TFDP2: variants seen among roughly 807,000 people sequenced by gnomAD.
TFDP2 encodes transcription factor Dp-2 (E2F dimerization partner 2).
TFDP2 carries 17 observed loss-of-function variants against 59.3 expected under a neutral mutation model. The ratio of observed to expected loss-of-function variants is 0.29; its 90% CI spans 0.20 to 0.43. The LOEUF is 0.43. Ranked by LOEUF, TFDP2 falls within the 20% of genes least tolerant of loss-of-function variation. The pLI, the probability that TFDP2 is intolerant of heterozygous loss-of-function variation, is 1.00. For synonymous variants in TFDP2, 180 were observed against 194.7 expected, an observed-to-expected ratio of 0.92 and a Z score of 0.63; for missense variants, 391 against 528.8, an observed-to-expected ratio of 0.74 and a Z score of 2.56.
At chr3:141,993,274 C>T (rs1942963493) in intron 6 of TFDP2, among the ~76,000 whole-genome samples, 1 of 152,004 alleles carries the variant, frequency 6.6e-6, no homozygotes, top group African/African-American at 2.4e-5. Context: ...TTTGATAGAA[C>T]TCTTCATTTA....
chr3:142,083,329 T>C (rs977683358), intron 3 of TFDP2, among the ~76,000 whole-genome samples: 3 of 152,034 alleles, frequency 2.0e-5, no homozygotes, highest in Non-Finnish European at 4.4e-5. Context: ...ATAAAAACTA[T>C]AAAATACTGA....
chr3:142,090,295 T>A (rs1434880866), intron 3 of TFDP2, among the ~76,000 whole-genome samples: 3 of 152,152 alleles, frequency 2.0e-5, no homozygotes, highest in Non-Finnish European at 2.9e-5. Flanking sequence ...AACACATGCA[T>A]ATAGCTATTT....
chr3:142,008,248 C>T (rs1357124770), intron 3 of TFDP2, among the ~76,000 whole-genome samples: 1 of 151,938 alleles, frequency 6.6e-6, no homozygotes, highest in Non-Finnish European at 1.5e-5. Flanking sequence ...ACGGCTCTTA[C>T]TAGATATCCT....
chr3:142,087,836 G>T (rs1006953989), intron 3 of TFDP2, among the ~76,000 whole-genome samples: 1 of 152,062 alleles, frequency 6.6e-6, no homozygotes, highest in Non-Finnish European at 1.5e-5. Flanking sequence ...TCATTAAGTC[G>T]CAGTCTAATT....
chr3:142,104,037 C>A (rs1055338952), intron 1 of TFDP2, among the ~76,000 whole-genome samples: 2 of 151,930 alleles, frequency 1.3e-5, no homozygotes, highest in South Asian at 4.2e-4. Flanking sequence ...TCCTGATGCT[C>A]CCCCCTCCTT....
At chr3:141,961,024 C>A (rs916152469) in intron 10 of TFDP2, among the ~76,000 whole-genome samples, 1 of 152,148 alleles carries the variant, frequency 6.6e-6, no homozygotes, top group African/African-American at 2.4e-5. Context: ...TCACCAGATT[C>A]CAGCCTGGGG....
At chr3:141,993,645 T>A in intron 5 of TFDP2, 60 bp from the exon 6 acceptor site, 1 of 940,964 alleles carries the variant, frequency 1.1e-6, no homozygotes, top group Non-Finnish European at 1.6e-6. Context: ...TTAATTTCAT[T>A]AATACTTTAT....
chr3:142,135,793 C>G (rs923990498), intron 1 of TFDP2, among the ~76,000 whole-genome samples: 1 of 152,070 alleles, frequency 6.6e-6, no homozygotes, highest in South Asian at 2.1e-4. Context: ...ATTTCTTAAT[C>G]CAGTCTATCA....
chr3:142,103,561 T>C (rs1008660937), intron 1 of TFDP2, among the ~76,000 whole-genome samples: 2 of 152,234 alleles, frequency 1.3e-5, no homozygotes, highest in African/African-American at 4.8e-5. Flanking sequence ...GGTATAATGG[T>C]GGCAACTTAC....
chr3:141,963,922 A>G lies in TFDP2; in HGVS notation c.774T>C (p.Asn258=). Residue 258 remains asparagine, a synonymous_variant, in exon 10 of 13, where the codon AAT becomes AAC. Coordinates refer to ENST00000489671, the MANE Select transcript of TFDP2 (RefSeq NM_001178139.2). ...CCGGCGGGCCCTGGTTTTGCTGCTC[A>G]TTTTGTCGATTTCTCTGTACCAGGT... ...FKNLVQRNRQ[N]EQQNQGPPAL... 6.2e-7 allele frequency: 1 copy of G among 1,613,672 alleles called. No homozygotes were observed. The highest frequency in any genetic ancestry group is 1.1e-5 in the South Asian group (1 of 91,048).
intron 3 of TFDP2, among the ~76,000 whole-genome samples, chr3:142,040,635 G>T (rs974948479): frequency 6.6e-6 from 1 of 152,132 alleles, no homozygotes; most frequent in East Asian, 1.9e-4. Flanking sequence ...TCTCCATGTT[G>T]GTCAGGCTGG....
chr3:142,023,841 T>C (rs1019778246), intron 3 of TFDP2, among the ~76,000 whole-genome samples: 3 of 152,234 alleles, frequency 2.0e-5, no homozygotes, highest in Admixed American at 6.5e-5. Context: ...TCTTGCTCTG[T>C]TGCCTAGGCC....
At chr3:142,148,090 C>G (rs1048667780) in intron 1 of TFDP2, among the ~76,000 whole-genome samples, 1 of 143,194 alleles carries the variant, frequency 7.0e-6, no homozygotes. Context: ...AAGATAAATT[C>G]AAGCCATGAA....
chr3:142,014,683 T>A (rs886479208), intron 3 of TFDP2, among the ~76,000 whole-genome samples: 1 of 152,178 alleles, frequency 6.6e-6, no homozygotes, highest in Non-Finnish European at 1.5e-5. Flanking sequence ...AGGTAGTTCA[T>A]CTTCTTGTCT....
rs141460252 is a variant in TFDP2 at position 142,074,243 on chromosome 3, T to TA, written c.82+18817dup. ...GGCCAACATGGTAAAACCCTGTCTC[T>TA]ACTGAAAATACAAAAACTAGCCAGG... On this transcript the variant is annotated intron_variant, in intron 3 of 12. Coordinates refer to ENST00000489671, the MANE Select transcript of TFDP2 (RefSeq NM_001178139.2). Among the ~76,000 whole-genome samples, 508 of 151,590 alleles carry TA rather than the reference T, an allele frequency of 3.4e-3. 1 individual carries two copies. Among genetic ancestry groups the TA allele is most frequent in the African/African-American group, 0.012 (480 of 41,302 alleles).
intron 3 of TFDP2, among the ~76,000 whole-genome samples, chr3:142,086,551 T>C (rs1366995447): frequency 1.3e-5 from 2 of 152,182 alleles, no homozygotes; most frequent in East Asian, 1.9e-4. Flanking sequence ...AGGACGTAGA[T>C]GAACAAGATC....
intron 4 of TFDP2, among the ~76,000 whole-genome samples, 169 bp downstream of exon 4, chr3:142,005,272 C>T (rs1944120455): frequency 6.6e-6 from 1 of 152,206 alleles, no homozygotes; most frequent in African/African-American, 2.4e-5. Context: ...CTCCTGGGCT[C>T]AAGTGATCCA....
At chr3:142,049,825 A>G (rs1576837767) in intron 3 of TFDP2, among the ~76,000 whole-genome samples, 1 of 152,356 alleles carries the variant, frequency 6.6e-6, no homozygotes, top group South Asian at 2.1e-4. Context: ...GATATTAAAA[A>G]TTTTAAACAT....
chr3:142,097,713 A>G (rs1376954377), intron 2 of TFDP2, among the ~76,000 whole-genome samples: 2 of 152,280 alleles, frequency 1.3e-5, no homozygotes, highest in East Asian at 3.9e-4. Context: ...ATAGACACTT[A>G]AAATGATGTT....
Sources: gnomAD v4.1 joint callset for allele counts (sites outside exome capture counted in the v4.1 genomes callset) on GRCh38, gnomAD v4.1.1 for gene constraint, MANE v1.5 for transcripts, NCBI Gene and HGNC (gene_info 2026-07-23, HGNC 2026-07-21) for gene names.